The following DPY19L3 variants were observed in gnomAD, a reference collection of about 807,000 sequenced individuals.
DPY19L3 encodes protein C-mannosyl-transferase DPY19L3.
Under a neutral mutation model 92.3 loss-of-function variants are expected in DPY19L3, and 51 were observed. The observed-to-expected ratio is 0.55, with a 90% CI of 0.44 to 0.70. DPY19L3 has a LOEUF of 0.70. Ranked by LOEUF, DPY19L3 falls within the 30% of genes least tolerant of loss-of-function variation. DPY19L3 has a pLI of 0.00. For missense variants in DPY19L3, 706 were observed against 855.9 expected (o/e 0.82, Z 2.18); for synonymous variants, 309 against 315.2 (o/e 0.98, Z 0.21).
chr19:32,465,807 A>T (rs1410924000), intron 15 of DPY19L3, among the ~76,000 whole-genome samples: 1 of 152,050 alleles, frequency 6.6e-6, no homozygotes, highest in Non-Finnish European at 1.5e-5. Context: ...CTCTGTGCTA[A>T]CTCCTAGATA....
At chr19:32,422,640 AC>A (rs1860778616) in intron 3 of DPY19L3, among the ~76,000 whole-genome samples, 3 of 151,420 alleles carry the variant, frequency 2.0e-5, no homozygotes, top group African/African-American at 7.3e-5. Flanking sequence ...ACACACACAC[AC>A]ACACACACAC....
At chr19:32,459,793 G>T (rs527817226) in intron 12 of DPY19L3, among the ~76,000 whole-genome samples, 5 of 152,324 alleles carry the variant, frequency 3.3e-5, no homozygotes, top group African/African-American at 7.2e-5. Flanking sequence ...TCATCTGCCA[G>T]ATAGGGATAT....
intron 3 of DPY19L3, among the ~76,000 whole-genome samples, chr19:32,416,674 A>T (rs576262331): frequency 4.8e-4 from 73 of 152,362 alleles, no homozygotes; most frequent in Non-Finnish European, 7.8e-4. Context: ...CGAGGGTCCC[A>T]TTGGAAGCTT....
intron 4 of DPY19L3, among the ~76,000 whole-genome samples, chr19:32,434,940 T>A (rs1169932437): frequency 2.6e-5 from 4 of 152,172 alleles, no homozygotes; most frequent in African/African-American, 9.7e-5. Flanking sequence ...GTTGGAGAGT[T>A]ATCCATCCAT....
intron 3 of DPY19L3, among the ~76,000 whole-genome samples, chr19:32,418,633 T>C (rs1452170505): frequency 2.6e-5 from 4 of 152,212 alleles, no homozygotes; most frequent in African/African-American, 9.6e-5. Flanking sequence ...TTTATAAATC[T>C]CCTGTAATTT....
intron 16 of DPY19L3, among the ~76,000 whole-genome samples, chr19:32,470,238 A>C (rs1970316155): frequency 6.6e-6 from 1 of 152,246 alleles, no homozygotes; most frequent in Non-Finnish European, 1.5e-5. Flanking sequence ...AGAGTAAATA[A>C]TTCCTTCAGT....
chr19:32,436,523 C>T lies in DPY19L3; in HGVS notation c.406C>T (p.Gln136Ter). ...INLLQRMNIY[Q>*]EVFLSILYRV... ...CCTCCTTCAGCGAATGAATATTTAC[C>T]AAGAGGTTTTTCTCAGTATTTTATA... Residue 136 changes from glutamine (Q) to a stop codon, truncating the protein, a stop_gained, in exon 5 of 19, where the codon CAA becomes TAA. Coordinates refer to ENST00000392250, the MANE Select transcript of DPY19L3 (RefSeq NM_001172774.2). LOFTEE classifies it high-confidence loss of function. 1.3e-6 allele frequency: 2 copies of T among 1,574,588 alleles called. No individual in the cohort carries two copies. Among genetic ancestry groups the T allele is most frequent in the Admixed American group, 1.7e-5 (1 of 57,530 alleles).
At chr19:32,455,341 A>G (rs139947038) in intron 10 of DPY19L3, among the ~76,000 whole-genome samples, 55 of 152,314 alleles carry the variant, frequency 3.6e-4, no homozygotes, top group African/African-American at 1.3e-3. Context: ...TTTTACTTCA[A>G]ACAGGCTCAG....
chr19:32,423,982 C>T (rs1454363117), intron 3 of DPY19L3, among the ~76,000 whole-genome samples: 1 of 151,776 alleles, frequency 6.6e-6, no homozygotes, highest in East Asian at 1.9e-4. Context: ...CATTGGCCTC[C>T]AGCCTGGGTG....
At chr19:32,418,062 G>T (rs1050040896) in intron 3 of DPY19L3, among the ~76,000 whole-genome samples, 1 of 152,174 alleles carries the variant, frequency 6.6e-6, no homozygotes, top group Non-Finnish European at 1.5e-5. Context: ...GGGTGAGATT[G>T]TTTCAGGAGC....
chr19:32,438,343 A>T (rs1337321398), intron 6 of DPY19L3, among the ~76,000 whole-genome samples: 1 of 152,108 alleles, frequency 6.6e-6, no homozygotes, highest in Non-Finnish European at 1.5e-5. Flanking sequence ...TATAGAGTAG[A>T]TATTATTATT....
intron 17 of DPY19L3, among the ~76,000 whole-genome samples, chr19:32,479,950 C>T (rs1044084292): frequency 6.6e-5 from 10 of 152,220 alleles, no homozygotes; most frequent in African/African-American, 2.4e-4. Context: ...CCCCACCTAC[C>T]AGTTTCAGAA....
chr19:32,474,254 T>C (rs556863304), intron 16 of DPY19L3, among the ~76,000 whole-genome samples: 1 of 152,368 alleles, frequency 6.6e-6, no homozygotes, highest in African/African-American at 2.4e-5. Context: ...TTTTAAACTT[T>C]CTGACTTTTT....
rs1197863210 is a variant in DPY19L3, at chr19:32,424,746, A to G, written c.238-7970A>G. Among the ~76,000 whole-genome samples, 9 of 152,214 alleles carry G rather than the reference A, an allele frequency of 5.9e-5. No individual in the cohort carries two copies. The South Asian group carries it at 1.9e-3, about 31-fold the overall frequency. Reference sequence around the variant, plus strand: ...TTGACAAGCTAGTCCTAAAATGTATATGGAAACTCAAGGGACTCAGAATAG... The same window carrying G: ...TTGACAAGCTAGTCCTAAAATGTATGTGGAAACTCAAGGGACTCAGAATAG... On this transcript the variant is annotated intron_variant, in intron 3 of 18. Transcript: ENST00000392250.
intron 17 of DPY19L3, among the ~76,000 whole-genome samples, chr19:32,477,978 C>T (rs1195540376): frequency 6.6e-6 from 1 of 152,116 alleles, no homozygotes; most frequent in African/African-American, 2.4e-5. Flanking sequence ...CTTATAAAAC[C>T]ATCAGATCTC....
chr19:32,483,450 G>A lies in DPY19L3; in HGVS notation c.*1210G>A, dbSNP rs1970726837. The A allele has an allele frequency of 6.6e-6, 1 of 152,538 alleles. No individual in the cohort carries two copies. The allele number at this position is 152,538 out of a possible 1,614,324, so 9.4% of individuals were successfully genotyped here. A position where few individuals can be genotyped will look rare whatever the true frequency, so the allele number is the denominator to read the frequency against. ...TGTAAAAGTTGCCAGTAAGAACATA[G>A]TATGCATTTAATTAAATCAAGATGG... On this transcript the variant is annotated 3_prime_UTR_variant, in exon 19 of 19. Coordinates refer to ENST00000392250, the MANE Select transcript of DPY19L3 (RefSeq NM_001172774.2).
intron 3 of DPY19L3, among the ~76,000 whole-genome samples, chr19:32,415,424 G>A (rs1336806890): frequency 6.6e-6 from 1 of 152,182 alleles, no homozygotes; most frequent in East Asian, 1.9e-4. Context: ...GTGAAGCGTT[G>A]GCAGTAGTTC....
chr19:32,407,275 C>A (rs931645251), intron 1 of DPY19L3, among the ~76,000 whole-genome samples: 3 of 140,172 alleles, frequency 2.1e-5, no homozygotes, highest in African/African-American at 8.0e-5. Flanking sequence ...CCCCCCCACC[C>A]ATTACTCCCA....
rs138425546 is a variant in DPY19L3, at chr19:32,419,246, C to T, written c.237+7874C>T. On this transcript the variant is annotated intron_variant, in intron 3 of 18. Transcript: ENST00000392250. ...CGCGATCTCGGCTCCCTGCAAGCTC[C>T]ACCTCCCGGGTTCGCGCCATTCTCC... 3.5e-3 allele frequency among the ~76,000 whole-genome samples: 521 copies of T among 150,932 alleles called. 2 individuals carry two copies. Among genetic ancestry groups the T allele is most frequent in the African/African-American group, 0.012 (503 of 41,044 alleles).
Sources: allele counts gnomAD v4.1 joint callset (sites outside exome capture counted in the v4.1 genomes callset), GRCh38; gene constraint gnomAD v4.1.1; transcripts MANE v1.5; gene names NCBI Gene and HGNC (gene_info 2026-07-23, HGNC 2026-07-21).